USP16: variants seen among roughly 807,000 people sequenced by gnomAD.
USP16 encodes the protein ubiquitin specific peptidase 16, also known as ubiquitin carboxyl-terminal hydrolase 16.
USP16 carries 77 observed loss-of-function variants against 95.9 expected under a neutral mutation model. The ratio of observed to expected loss-of-function variants is 0.80; its 90% CI spans 0.67 to 0.97. USP16 has a LOEUF of 0.97. Among genes scored for constraint, USP16 ranks in the 50% least tolerant of loss-of-function variants. USP16 has a pLI of 0.00. For missense variants in USP16, 943 were observed against 959.9 expected (o/e 0.98, Z 0.23); for synonymous variants, 303 against 318.2 (o/e 0.95, Z 0.51).
In USP16 at chr21:29,054,206, T is replaced by C; in HGVS notation, c.*19T>C. ...ACTGTAATAATATCAAAAGCACTTTTTCTGGAAACACATTTATGGCTTTTA... is the reference window on the plus strand; with the variant it reads ...ACTGTAATAATATCAAAAGCACTTTCTCTGGAAACACATTTATGGCTTTTA... On this transcript the variant is annotated 3_prime_UTR_variant, in exon 18 of 18. Transcript: ENST00000399976. The C allele has an allele frequency of 5.0e-6, 8 of 1,603,532 alleles. No homozygotes were observed. Among genetic ancestry groups the C allele is most frequent in the Non-Finnish European group, 6.8e-6 (8 of 1,173,238 alleles).
intron 6 of USP16, 91 bp downstream of exon 6, chr21:29,037,554 T>C (rs1257529436): frequency 7.9e-6 from 8 of 1,015,636 alleles, no homozygotes; most frequent in Non-Finnish European, 1.1e-5. Flanking sequence ...ACCTGAGTAA[T>C]TTATTTCTAT....
chr21:29,051,601 C>T (rs534834298), intron 16 of USP16, among the ~76,000 whole-genome samples: 5 of 152,244 alleles, frequency 3.3e-5, no homozygotes, highest in South Asian at 4.2e-4. Flanking sequence ...GAGGCCGAGG[C>T]GGGTGGATCA....
At position 29,046,706 on chromosome 21, in the gene USP16, C is replaced by A. The variant is rs1373466008; in HGVS notation, c.1396C>A (p.His466Asn). 1.9e-6 allele frequency: 3 copies of A among 1,608,882 alleles called. No homozygotes were observed. The highest frequency in any genetic ancestry group is 2.5e-6 in the Non-Finnish European group (3 of 1,178,184). ...ACAAAAAATTCAAGGAAAAGTTCTT[C>A]ATTTAAATGATATTTGTACTATTGA... ...RQQKIQGKVL[H>N]LNDICTIDHP... Residue 466 changes from histidine (H) to asparagine (N), a missense_variant, in exon 14 of 18, where the codon CAT becomes AAT. Transcript: ENST00000399976.
chr21:29,027,992 A>G lies in USP16; in HGVS notation c.61+18A>G, dbSNP rs1290994342. On this transcript the variant is annotated intron_variant, in intron 2 of 17. Coordinates refer to ENST00000399976, the MANE Select transcript of USP16 (RefSeq NM_006447.3). The stretch of plus-strand genomic sequence containing the variant: ...AACTTTAGGTATATTTCATTGATTG[A>G]ATCTTTAATGTTTATATCTCTAAAT... 6.4e-7 allele frequency: 1 copy of G among 1,559,792 alleles called. No homozygotes were observed. Among genetic ancestry groups the G allele is most frequent in the South Asian group, 1.1e-5 (1 of 89,646 alleles).
At chr21:29,034,694 G>C (rs1601048613) in intron 3 of USP16, 143 bp from the exon 4 acceptor site, 4 of 716,266 alleles carry the variant, frequency 5.6e-6, no homozygotes, top group Admixed American at 2.9e-5. Context: ...ACAAAATATT[G>C]ATTCTAGAGT....
intron 14 of USP16, 70 bp downstream of exon 14, chr21:29,047,391 ACTC>A: frequency 6.9e-7 from 1 of 1,457,194 alleles, no homozygotes. Flanking sequence ...TAGGTAGAGT[ACTC>A]CTAATTGTAT....
intron 3 of USP16, among the ~76,000 whole-genome samples, chr21:29,032,258 G>A (rs1329570176): frequency 6.6e-6 from 1 of 151,948 alleles, no homozygotes; most frequent in African/African-American, 2.4e-5. Flanking sequence ...TTGAGGCAGG[G>A]TCTCACTCTC....
chr21:29,052,058 G>A (rs1434327961), intron 16 of USP16: 3 of 152,146 alleles, frequency 2.0e-5, no homozygotes, highest in African/African-American at 7.2e-5. Context: ...GAGATTATTT[G>A]TAAGTGATAC....
At chr21:29,035,968 G>T (rs1301560235) in intron 4 of USP16, among the ~76,000 whole-genome samples, 1 of 152,158 alleles carries the variant, frequency 6.6e-6, no homozygotes, top group African/African-American at 2.4e-5. Context: ...ATTTTTGTTA[G>T]TGTTATTCTG....
chr21:29,031,287 C>T (rs1168889848), intron 3 of USP16, among the ~76,000 whole-genome samples: 1 of 152,156 alleles, frequency 6.6e-6, no homozygotes, highest in East Asian at 1.9e-4. Context: ...ATCACAGTAT[C>T]TACTCTACCA....
intron 16 of USP16, among the ~76,000 whole-genome samples, chr21:29,050,613 A>G (rs1407892242): frequency 6.6e-6 from 1 of 152,254 alleles, no homozygotes; most frequent in African/African-American, 2.4e-5. Flanking sequence ...TCAAGATGAA[A>G]TGAGTTTTGC....
intron 14 of USP16, 52 bp downstream of exon 14, chr21:29,047,373 G>T (rs2085343183): frequency 1.9e-6 from 3 of 1,545,054 alleles, no homozygotes; most frequent in Non-Finnish European, 2.6e-6. Flanking sequence ...GGCACATTTT[G>T]CACTGCATAG....
Position 29,047,133 on chromosome 21 carries a change from T to C in USP16, c.1823T>C (p.Val608Ala), listed in dbSNP as rs1347302196. The change falls in exon 14 of 18, where the codon GTT becomes GCT. Residue 608 changes from valine to alanine, a missense_variant. Transcript: ENST00000399976. ...ACTCCTGGAACAAAGGTGTATGAGG[T>C]TGTAAATGAAGATCCAGAAACTGCT... ...SHTPGTKVYEVVNEDPETAFC... is the reference protein window; with the variant it reads ...SHTPGTKVYEAVNEDPETAFC... 5 of 1,614,108 alleles carry C rather than the reference T, an allele frequency of 3.1e-6. No homozygotes were observed. The highest frequency in any genetic ancestry group is 4.2e-6 in the Non-Finnish European group (5 of 1,180,008).
At chr21:29,025,927 A>G (rs1465639751) in intron 1 of USP16, among the ~76,000 whole-genome samples, 2 of 152,210 alleles carry the variant, frequency 1.3e-5, no homozygotes, top group African/African-American at 4.8e-5. Context: ...AATAACATAA[A>G]CCCAGATTAA....
At chr21:29,027,843 TG>T (rs2085015751) in intron 1 of USP16, 29 bp from the exon 2 acceptor site, 4 of 1,522,490 alleles carry the variant, frequency 2.6e-6, no homozygotes, top group Non-Finnish European at 3.6e-6. Context: ...CTTTTTTTTT[TG>T]GTCAAGCTAA....
intron 3 of USP16, 46 bp downstream of exon 3, chr21:29,030,819 T>C (rs370151884): frequency 8.2e-5 from 128 of 1,555,512 alleles, no homozygotes; most frequent in Non-Finnish European, 1.0e-4. Flanking sequence ...GAAAACTCTT[T>C]GAACTTACTT....
rs1394323650 is a variant in USP16 at position 29,046,903 on chromosome 21, C to T, written c.1593C>T (p.Ser531=). The T allele has an allele frequency of 1.9e-6, 3 of 1,614,066 alleles. No homozygotes were observed. ...AAAGTGTAACTGACAATCAAAAATCCACAGAGGAAGTAGATATGAAAAATA... is the reference window on the plus strand; with the variant it reads ...AAAGTGTAACTGACAATCAAAAATCTACAGAGGAAGTAGATATGAAAAATA... ...MIESVTDNQK[S]TEEVDMKNIN... is the part of the protein sequence containing the mutation. The change falls in exon 14 of 18, where the codon TCC becomes TCT. Residue 531 remains serine, a synonymous_variant. Transcript: ENST00000399976.
At chr21:29,049,062 A>G (rs1345199164) in intron 15 of USP16, among the ~76,000 whole-genome samples, 1 of 152,228 alleles carries the variant, frequency 6.6e-6, no homozygotes, top group East Asian at 1.9e-4. Context: ...CAGATTTCCT[A>G]GAACTCATTT....
chr21:29,027,500 A>G (rs986019527), intron 1 of USP16, among the ~76,000 whole-genome samples: 1 of 152,248 alleles, frequency 6.6e-6, no homozygotes, highest in Non-Finnish European at 1.5e-5. Context: ...AAGGGAAGCA[A>G]ATCAGTTTTC....
Sources: gnomAD v4.1 joint callset for allele counts (sites outside exome capture counted in the v4.1 genomes callset) on GRCh38, gnomAD v4.1.1 for gene constraint, MANE v1.5 for transcripts, NCBI Gene and HGNC (gene_info 2026-07-23, HGNC 2026-07-21) for gene names.